Variants in UCK2 observed in about 807,000 individuals in gnomAD.
UCK2 encodes the protein cytidine monophosphokinase 2.
A neutral mutation model predicts 30.8 loss-of-function variants in UCK2; 6 were observed. That is an observed-to-expected ratio of 0.19 (90% CI 0.11 to 0.38). The LOEUF (loss-of-function observed/expected upper bound fraction) is 0.38, where lower values mean the gene tolerates loss of function less well. Among genes scored for constraint, UCK2 ranks in the 10% least tolerant of loss-of-function variants. UCK2 has a pLI of 1.00. For synonymous variants in UCK2, 125 were observed against 133.6 expected (o/e 0.94, Z 0.45); for missense variants, 210 against 339.8 (o/e 0.62, Z 3.00).
intron 1 of UCK2, among the ~76,000 whole-genome samples, chr1:165,869,530 C>A: frequency 6.6e-6 from 1 of 151,980 alleles, no homozygotes; most frequent in African/African-American, 2.4e-5. Context: ...TATACAAGTT[C>A]ACATTCCTGC....
intron 1 of UCK2, among the ~76,000 whole-genome samples, chr1:165,859,493 C>T (rs943225367): frequency 6.6e-6 from 1 of 152,188 alleles, no homozygotes; most frequent in Non-Finnish European, 1.5e-5. Flanking sequence ...CTGAACCCTT[C>T]CCTGCATTTC....
intron 1 of UCK2, among the ~76,000 whole-genome samples, chr1:165,853,330 C>A (rs1046379034): frequency 2.0e-5 from 3 of 151,982 alleles, no homozygotes; most frequent in Non-Finnish European, 4.4e-5. Context: ...GCATTTCCTA[C>A]CCTTCACTTG....
intron 1 of UCK2, 148 bp from the exon 2 acceptor site, chr1:165,890,056 A>T: frequency 1.3e-6 from 1 of 788,874 alleles, no homozygotes; most frequent in Non-Finnish European, 2.1e-6. Flanking sequence ...TTAGCCCTTT[A>T]ACTCATCATG....
At chr1:165,888,619 G>T (rs886755224) in intron 1 of UCK2, among the ~76,000 whole-genome samples, 6 of 148,128 alleles carry the variant, frequency 4.1e-5, no homozygotes, top group African/African-American at 1.5e-4. Flanking sequence ...CTATTTATTC[G>T]GTTGACCAGT....
Position 165,910,532 on chromosome 1 carries a change from C to G in UCK2, c.*2709C>G, listed in dbSNP as rs998513082. ...AAACAAGCATAGAAGCATTATGTCA[C>G]AGGAAGGCCTGGCCTCTCACTCCTT... On this transcript the variant is annotated 3_prime_UTR_variant, in exon 7 of 7. Transcript: ENST00000367879. The G allele has an allele frequency of 6.6e-6, 1 of 152,400 alleles. No individual in the cohort carries two copies. Among genetic ancestry groups the G allele is most frequent in the Admixed American group, 6.5e-5 (1 of 15,302 alleles). 9.4% of individuals were successfully genotyped at this position (152,400 alleles called of 1,614,324 possible).
intron 1 of UCK2, among the ~76,000 whole-genome samples, chr1:165,888,444 A>G (rs1470151017): frequency 6.6e-6 from 1 of 151,956 alleles, no homozygotes; most frequent in Admixed American, 6.6e-5. Flanking sequence ...GGCATGTGCC[A>G]CCATGCCTGG....
chr1:165,866,460 C>T (rs1347618713), intron 1 of UCK2, among the ~76,000 whole-genome samples: 1 of 151,962 alleles, frequency 6.6e-6, no homozygotes, highest in Non-Finnish European at 1.5e-5. Context: ...AAGATCCCTG[C>T]CCTTGATATA....
rs60874109 is a variant in UCK2, at chr1:165,888,642, C to CTTTT, written c.100-1541_100-1538dup. Among the ~76,000 whole-genome samples, 574 of 71,058 alleles carry CTTTT rather than the reference C, an allele frequency of 8.1e-3. 6 individuals carry two copies. The highest frequency in any genetic ancestry group is 0.015 in the Middle Eastern group (1 of 66). The allele number at this position is 71,058 out of a possible 152,430, so 46.6% of individuals were successfully genotyped here. On this transcript the variant is annotated intron_variant, in intron 1 of 6. Transcript: ENST00000367879. The stretch of plus-strand genomic sequence containing the variant: ...TCGGTTGACCAGTTTCTTTCTTCTT[C>CTTTT]TTTTTTTTTTTTTTTTTTTTTTTTG...
intron 1 of UCK2, among the ~76,000 whole-genome samples, chr1:165,858,516 G>A (rs554098145): frequency 6.5e-4 from 99 of 152,170 alleles, no homozygotes; most frequent in Non-Finnish European, 8.8e-4. Context: ...ACTTGTCCCC[G>A]GAGAGAATGC....
intron 4 of UCK2, chr1:165,900,308 T>A (rs1218562313): frequency 6.6e-6 from 1 of 152,254 alleles, no homozygotes; most frequent in African/African-American, 2.4e-5. Context: ...GTGCCAGCTA[T>A]GGTGCTGAAG....
At chr1:165,870,380 A>G (rs56231643) in intron 1 of UCK2, among the ~76,000 whole-genome samples, 40 of 126,722 alleles carry the variant, frequency 3.2e-4, no homozygotes, top group South Asian at 1.2e-3. Flanking sequence ...CTGGATGACA[A>G]TTTTAATATG....
chr1:165,847,851 T>C (rs750637756), intron 1 of UCK2, among the ~76,000 whole-genome samples: 4 of 152,192 alleles, frequency 2.6e-5, no homozygotes, highest in Non-Finnish European at 5.9e-5. Flanking sequence ...TGGAGTGCAG[T>C]GGCGTACTCT....
At chr1:165,860,666 T>G (rs1205295203) in intron 1 of UCK2, among the ~76,000 whole-genome samples, 5 of 152,186 alleles carry the variant, frequency 3.3e-5, no homozygotes, top group Non-Finnish European at 5.9e-5. Context: ...GTCAGGCTGG[T>G]CTGGAACTCC....
intron 1 of UCK2, among the ~76,000 whole-genome samples, chr1:165,848,662 A>C (rs78315294): frequency 0.51 from 74,398 of 146,976 alleles, 19,394 homozygotes; most frequent in African/African-American, 0.69. Context: ...ACACACACCC[A>C]CACACACACA....
At chr1:165,868,481 T>C (rs1304845739) in intron 1 of UCK2, among the ~76,000 whole-genome samples, 1 of 152,244 alleles carries the variant, frequency 6.6e-6, no homozygotes, top group African/African-American at 2.4e-5. Flanking sequence ...TCATCAGTTA[T>C]TTTAGCTAGA....
intron 1 of UCK2, among the ~76,000 whole-genome samples, chr1:165,831,416 C>T (rs1167955075): frequency 3.3e-5 from 5 of 152,134 alleles, no homozygotes; most frequent in African/African-American, 7.2e-5. Flanking sequence ...TCATATTTCC[C>T]CCTAAAGGAC....
At chr1:165,829,618 C>T (rs1653991389) in intron 1 of UCK2, among the ~76,000 whole-genome samples, 1 of 152,160 alleles carries the variant, frequency 6.6e-6, no homozygotes, top group African/African-American at 2.4e-5. Flanking sequence ...AACTGCGACC[C>T]TAAAAGGTGA....
intron 4 of UCK2, among the ~76,000 whole-genome samples, chr1:165,899,726 G>T (rs1352299306): frequency 6.6e-6 from 1 of 152,196 alleles, no homozygotes; most frequent in Non-Finnish European, 1.5e-5. Flanking sequence ...AGCCCCTGGG[G>T]TTTCCAGGTT....
Position 165,827,719 on chromosome 1 carries a change from T to A in UCK2, c.-115T>A. On this transcript the variant is annotated 5_prime_UTR_variant, in exon 1 of 7. Transcript: ENST00000367879. ...GGCTCGCAGGCGAGCGACAGCGGCC[T>A]CAGCCCCGGCAGCGCCCAGCGGCGG... 2.0e-6 allele frequency: 2 copies of A among 993,296 alleles called. No homozygotes were observed. The highest frequency in any genetic ancestry group is 3.7e-5 in the South Asian group (1 of 27,384). The allele number at this position is 993,296 out of a possible 1,614,324, so 61.5% of individuals were successfully genotyped here.
Sources: allele counts gnomAD v4.1 joint callset (sites outside exome capture counted in the v4.1 genomes callset), GRCh38; gene constraint gnomAD v4.1.1; transcripts MANE v1.5; gene names NCBI Gene and HGNC (gene_info 2026-07-23, HGNC 2026-07-21).